RNF150: variants seen among roughly 807,000 people sequenced by gnomAD.
RNF150 encodes ring finger protein 150.
Under a neutral mutation model 39.3 loss-of-function variants are expected in RNF150, and 24 were observed. The observed-to-expected ratio is 0.61, with a 90% CI of 0.44 to 0.86. The LOEUF (loss-of-function observed/expected upper bound fraction) is 0.86. Among genes scored for constraint, RNF150 ranks in the 40% least tolerant of loss-of-function variants. The pLI, the probability that RNF150 is intolerant of heterozygous loss-of-function variation, is 0.00. For synonymous variants in RNF150, 255 were observed against 227.3 expected, an observed-to-expected ratio of 1.12 and a Z score of -1.10; for missense variants, 502 against 587.8, an observed-to-expected ratio of 0.85 and a Z score of 1.51.
At chr4:141,176,632 T>C (rs1224910829) in intron 1 of RNF150, among the ~76,000 whole-genome samples, 2 of 152,200 alleles carry the variant, frequency 1.3e-5, no homozygotes, top group East Asian at 3.8e-4. Flanking sequence ...TACTTCCTTG[T>C]CTTTTAACTT....
At chr4:141,129,827 A>C (rs1208537127) in intron 1 of RNF150, among the ~76,000 whole-genome samples, 1 of 152,236 alleles carries the variant, frequency 6.6e-6, no homozygotes, top group African/African-American at 2.4e-5. Context: ...ATTTCAAGAT[A>C]CACAAATGCA....
At chr4:140,976,374 T>A (rs1461907069) in intron 1 of RNF150, among the ~76,000 whole-genome samples, 3 of 152,056 alleles carry the variant, frequency 2.0e-5, no homozygotes, top group African/African-American at 7.2e-5. Context: ...AGTTAACTCC[T>A]AGCTCACAAT....
chr4:140,915,744 C>T (rs1730794569), intron 5 of RNF150, among the ~76,000 whole-genome samples: 2 of 152,192 alleles, frequency 1.3e-5, no homozygotes, highest in Non-Finnish European at 2.9e-5. Context: ...GGGCAGACTG[C>T]CTCCTCAAGT....
At chr4:140,910,658 C>T (rs1025629261) in intron 6 of RNF150, among the ~76,000 whole-genome samples, 3 of 152,126 alleles carry the variant, frequency 2.0e-5, no homozygotes, top group Non-Finnish European at 2.9e-5. Flanking sequence ...GCCTCTTGTC[C>T]GTGGTCCAGA....
upstream of RNF150, among the ~76,000 whole-genome samples, chr4:141,135,553 T>A (rs1461363239): frequency 3.3e-5 from 5 of 152,238 alleles, no homozygotes; most frequent in African/African-American, 9.6e-5. Flanking sequence ...TAATAAGGCA[T>A]GAATCCGTGC....
intron 1 of RNF150, among the ~76,000 whole-genome samples, chr4:141,198,306 C>A (rs1728238726): frequency 6.6e-6 from 1 of 152,174 alleles, no homozygotes; most frequent in Admixed American, 6.5e-5. Context: ...GGATTACAGC[C>A]ATGAGCCACC....
In RNF150 at chr4:141,091,713, C is replaced by T. The variant is rs146354733; in HGVS notation, c.484+40612G>A. Among the ~76,000 whole-genome samples the T allele has an allele frequency of 9.3e-4, 141 of 152,266 alleles. 1 individual carries two copies. The highest frequency in any genetic ancestry group is 1.6e-3 in the Non-Finnish European group (110 of 68,030). On this transcript the variant is annotated intron_variant, in intron 1 of 6. Coordinates refer to ENST00000515673, the MANE Select transcript of RNF150 (RefSeq NM_020724.2). ...CCTAAGGTCCTTTCCAACCCTGAGA[C>T]TTCAGTGATGATGTAACAAGGAGGC... is the stretch of plus-strand genomic sequence containing the variant.
chr4:141,197,894 A>C (rs1044725518), intron 1 of RNF150, among the ~76,000 whole-genome samples: 1 of 152,076 alleles, frequency 6.6e-6, no homozygotes, highest in African/African-American at 2.4e-5. Context: ...AAAATAAATA[A>C]ATAAAAAAGA....
At chr4:141,017,298 G>A (rs2110771442) in intron 1 of RNF150, among the ~76,000 whole-genome samples, 1 of 152,230 alleles carries the variant, frequency 6.6e-6, no homozygotes, top group Non-Finnish European at 1.5e-5. Context: ...TAAGATTTGA[G>A]ATCACCTTAG....
intron 1 of RNF150, among the ~76,000 whole-genome samples, chr4:140,973,874 TAAAAAAAAAAAAAA>T (rs566506401): frequency 4.5e-5 from 5 of 110,540 alleles, no homozygotes; most frequent in Non-Finnish European, 9.1e-5. Flanking sequence ...AGACTCTGTT[TAAAAAAAAAAAAAA>T]AAAAAAAAAG....
chr4:141,158,752 C>T (rs531268800), intron 1 of RNF150, among the ~76,000 whole-genome samples: 1 of 152,224 alleles, frequency 6.6e-6, no homozygotes, highest in South Asian at 2.1e-4. Flanking sequence ...CCCCACCACC[C>T]CAACCCACAT....
intron 1 of RNF150, among the ~76,000 whole-genome samples, chr4:141,101,389 C>G (rs550809660): frequency 6.6e-6 from 1 of 152,172 alleles, no homozygotes; most frequent in African/African-American, 2.4e-5. Context: ...TCAGGATAGT[C>G]AATATCACCG....
chr4:141,005,178 A>G (rs985480936), intron 1 of RNF150, among the ~76,000 whole-genome samples: 1 of 152,190 alleles, frequency 6.6e-6, no homozygotes, highest in East Asian at 1.9e-4. Flanking sequence ...GGGAGCATAG[A>G]AGATATCCAT....
chr4:141,103,117 T>C (rs1194504161), intron 1 of RNF150, among the ~76,000 whole-genome samples: 2 of 152,222 alleles, frequency 1.3e-5, no homozygotes, highest in Non-Finnish European at 2.9e-5. Context: ...GTACTCATAT[T>C]GCTCTAGATA....
intron 6 of RNF150, among the ~76,000 whole-genome samples, chr4:140,874,535 T>G (rs1052855335): frequency 1.3e-5 from 2 of 152,272 alleles, no homozygotes; most frequent in Non-Finnish European, 2.9e-5. Flanking sequence ...TAATGCTTAC[T>G]GAGTACTTAG....
At chr4:141,098,702 C>G (rs771562222) in intron 1 of RNF150, among the ~76,000 whole-genome samples, 1 of 152,158 alleles carries the variant, frequency 6.6e-6, no homozygotes, top group Non-Finnish European at 1.5e-5. Flanking sequence ...ACAATAAATT[C>G]AGGTGTGTCT....
At chr4:141,022,784 G>A (rs924672762) in intron 1 of RNF150, among the ~76,000 whole-genome samples, 1 of 152,114 alleles carries the variant, frequency 6.6e-6, no homozygotes, top group African/African-American at 2.4e-5. Flanking sequence ...TATATGTCAT[G>A]TCCAAACTTT....
chr4:140,868,114 A>G lies in RNF150; in HGVS notation c.*147T>C, dbSNP rs929449685. 5 of 604,250 alleles carry G rather than the reference A, an allele frequency of 8.3e-6. No homozygotes were observed. Among genetic ancestry groups the G allele is most frequent in the Non-Finnish European group, 1.5e-5 (5 of 336,442 alleles). 37.4% of individuals were successfully genotyped at this position (604,250 alleles called of 1,614,324 possible). ...CATCCTGATTGACAAGACTTTGGATATTGCTTTTCGTCAGCATTCTTGAAC... is the reference window on the plus strand; with the variant it reads ...CATCCTGATTGACAAGACTTTGGATGTTGCTTTTCGTCAGCATTCTTGAAC... On this transcript the variant is annotated 3_prime_UTR_variant, in exon 7 of 7. Transcript: ENST00000515673.
At chr4:141,045,604 C>T (rs1051656969) in intron 1 of RNF150, among the ~76,000 whole-genome samples, 6 of 152,042 alleles carry the variant, frequency 3.9e-5, no homozygotes, top group Non-Finnish European at 7.4e-5. Context: ...AATGCAGTGG[C>T]GTGATCTCGG....
Sources: gnomAD v4.1 joint callset for allele counts (sites outside exome capture counted in the v4.1 genomes callset) on GRCh38, gnomAD v4.1.1 for gene constraint, MANE v1.5 for transcripts, NCBI Gene and HGNC (gene_info 2026-07-23, HGNC 2026-07-21) for gene names.